The following DSC3 variants were observed in gnomAD, a reference collection of about 807,000 sequenced individuals.
The protein encoded by DSC3 is desmocollin 3, also known as desmocollin-3.
In DSC3, 97 loss-of-function variants were observed where a neutral mutation model predicts 89.5. The observed-to-expected ratio is 1.08, with a 90% CI of 0.92 to 1.28. DSC3 has a LOEUF of 1.28. DSC3 is among the 50% of genes most tolerant of loss of function. DSC3 has a pLI of 0.00. For synonymous variants in DSC3, 436 were observed against 384.1 expected, an observed-to-expected ratio of 1.14 and a Z score of -1.58; for missense variants, 1,199 against 1,085.3, an observed-to-expected ratio of 1.10 and a Z score of -1.47.
chr18:31,034,861 C>T (rs142847351), intron 1 of DSC3, among the ~76,000 whole-genome samples: 1 of 152,090 alleles, frequency 6.6e-6, no homozygotes, highest in South Asian at 2.1e-4. Flanking sequence ...TGAAAAACTT[C>T]TAAAATTAGA....
chr18:31,020,346 A>T (rs941906715), intron 7 of DSC3, among the ~76,000 whole-genome samples: 30 of 152,194 alleles, frequency 2.0e-4, no homozygotes, highest in African/African-American at 7.2e-4. Flanking sequence ...GACACTAAAA[A>T]GGAAAGATCA....
At chr18:31,016,426 G>T (rs1307309411) in intron 9 of DSC3, among the ~76,000 whole-genome samples, 1 of 152,210 alleles carries the variant, frequency 6.6e-6, no homozygotes, top group African/African-American at 2.4e-5. Flanking sequence ...GGGGAGAAGG[G>T]TGTCCAGGAG....
Position 30,994,263 on chromosome 18 carries a change from C to A in DSC3, c.2603G>T (p.Ser868Ile). The A allele has an allele frequency of 6.2e-7, 1 of 1,614,140 alleles. No individual in the cohort carries two copies. The highest frequency in any genetic ancestry group is 8.5e-7 in the Non-Finnish European group (1 of 1,180,010). Residue 868 changes from serine to isoleucine, a missense_variant, in exon 16 of 16, where the codon AGT becomes ATT. Ser to Ile is a moderately radical substitution (Grantham distance 142). Transcript: ENST00000360428. ...AAGGCCATCTTCTTCCTGCTTTTCA[C>A]TGCAGCAGCCCACAGAACCAGCTGG... ...GSPAGSVGCC[S>I]EKQEEDGLDF...
In DSC3 at chr18:31,032,198, CAA is replaced by C. The variant is rs1985812477; in HGVS notation, c.146_147del (p.Ile49ArgfsTer4). 1 of 1,611,354 alleles carries C rather than the reference CAA, an allele frequency of 6.2e-7. No individual in the cohort carries two copies. The highest frequency in any genetic ancestry group is 1.3e-5 in the African/African-American group (1 of 74,854). On this transcript the variant is annotated frameshift_variant, in exon 2 of 16. Coordinates refer to ENST00000360428, the MANE Select transcript of DSC3 (RefSeq NM_001941.5). LOFTEE classifies it high-confidence loss of function. ...VPSKLEADKIIGRVNLEECFR... is the reference protein window; with the variant it reads ...VPSKLEADKIXGRVNLEECFR... ...GACTTTTAAAATTTCTCACCTCTGC[CAA>C]TTATTTTGTCTGCCTCTAGTTTAGA...
chr18:31,007,237 CTG>C (rs992624885), intron 11 of DSC3, 106 bp from the exon 12 acceptor site: 2 of 752,942 alleles, frequency 2.7e-6, no homozygotes, highest in African/African-American at 3.6e-5. Context: ...TTTAAATAAA[CTG>C]ATTATTAAAG....
rs769903222 is a variant in DSC3, at chr18:31,018,682, G to A, written c.1061C>T (p.Thr354Ile). The A allele has an allele frequency of 5.0e-6, 8 of 1,613,320 alleles. No homozygotes were observed. The highest frequency in any genetic ancestry group is 6.8e-6 in the Non-Finnish European group (8 of 1,179,878). ...TVTDSNDNAP[T>I]FRQNAYEAFV... is the part of the protein sequence containing the mutation. ...TATACTTACAGCATTTTGTCTGAAA[G>A]TGGGTGCATTATCATTTGAATCTGT... Residue 354 changes from threonine to isoleucine, a missense_variant, in exon 8 of 16, where the codon ACT becomes ATT. Thr to Ile is a moderately conservative substitution (Grantham distance 89). Transcript: ENST00000360428.
At chr18:31,007,963 C>T (rs1055304289) in intron 11 of DSC3, 53 bp downstream of exon 11, 2 of 1,469,808 alleles carry the variant, frequency 1.4e-6, no homozygotes, top group South Asian at 2.3e-5. Flanking sequence ...AGAATAATTA[C>T]ATTTTATTCT....
At position 31,032,546 on chromosome 18, in the gene DSC3, CTGTGTGTATG is replaced by C. The variant is rs1188257928; in HGVS notation, c.70-280_70-271del. On this transcript the variant is annotated intron_variant, in intron 1 of 15. Transcript: ENST00000360428. ...GATGTCTGCTCTGCTCTAACTGCTTCTGTGTGTATGTGTGTGTGTGTGTGTGTGTGTGTGT... is the reference window on the plus strand; with the variant it reads ...GATGTCTGCTCTGCTCTAACTGCTTCTGTGTGTGTGTGTGTGTGTGTGTGT... Among the ~76,000 whole-genome samples, 715 of 133,822 alleles carry C rather than the reference CTGTGTGTATG, an allele frequency of 5.3e-3. 6 individuals are homozygous for C. The highest frequency in any genetic ancestry group is 0.019 in the African/African-American group (652 of 33,478). The allele number at this position is 133,822 out of a possible 152,430, so 87.8% of individuals were successfully genotyped here. A position where few individuals can be genotyped will look rare whatever the true frequency, so the allele number is the denominator to read the frequency against.
At chr18:31,007,985 A>C (rs1468840684) in intron 11 of DSC3, 31 bp downstream of exon 11, 2 of 1,559,066 alleles carry the variant, frequency 1.3e-6, no homozygotes, top group Non-Finnish European at 8.8e-7. Context: ...TAATTCCTTT[A>C]TAGAATACCA....
intron 7 of DSC3, among the ~76,000 whole-genome samples, chr18:31,020,280 G>A (rs276917): frequency 0.46 from 70,191 of 151,806 alleles, 16,838 homozygotes; most frequent in East Asian, 0.88. Context: ...GAAGAGCCTC[G>A]GATGTAAGGA....
intron 9 of DSC3, among the ~76,000 whole-genome samples, chr18:31,011,456 A>G (rs1985053823): frequency 6.6e-6 from 1 of 152,070 alleles, no homozygotes; most frequent in Non-Finnish European, 1.5e-5. Context: ...TCTTTGAGGT[A>G]TAAAGGAATG....
Position 31,008,491 on chromosome 18 carries a change from A to G in DSC3, c.1298T>C (p.Leu433Pro), listed in dbSNP as rs746972841. The G allele has an allele frequency of 9.9e-6, 16 of 1,614,168 alleles. 1 individual carries two copies. The South Asian group carries it at 1.6e-4, about 17-fold the overall frequency. Reference sequence around the variant, plus strand: ...CGCTTCATTGTTTACTCCAATTTCCAGGTTCACTTGACGGTTTTCTTCATA... The same window carrying G: ...CGCTTCATTGTTTACTCCAATTTCCGGGTTCACTTGACGGTTTTCTTCATA... ...LNYEENRQVNLEIGVNNEAPF... is the reference protein window; with the variant it reads ...LNYEENRQVNPEIGVNNEAPF... The change falls in exon 10 of 16, where the codon CTG becomes CCG. Residue 433 changes from leucine to proline, a missense_variant. Physicochemically the swap from Leu to Pro is moderately conservative, Grantham distance 98. Coordinates refer to ENST00000360428, the MANE Select transcript of DSC3 (RefSeq NM_001941.5).
Position 31,007,172 on chromosome 18 carries a change from C to A in DSC3, c.1664-41G>T, listed in dbSNP as rs765182772. The A allele has an allele frequency of 4.7e-6, 7 of 1,479,734 alleles. No individual in the cohort carries two copies. The Admixed American group carries it at 8.5e-5, about 18-fold the overall frequency. 91.7% of individuals were successfully genotyped at this position (1,479,734 alleles called of 1,614,324 possible). On this transcript the variant is annotated intron_variant, in intron 11 of 15. Transcript: ENST00000360428. ...TAAGGTTTAGTGTTATTTTAAAATT[C>A]TTTCATAGTTTCTTAAAGAATAAAA... is the stretch of plus-strand genomic sequence containing the variant.
intron 9 of DSC3, 112 bp downstream of exon 9, chr18:31,017,959 T>C: frequency 1.1e-6 from 1 of 887,476 alleles, no homozygotes; most frequent in Non-Finnish European, 1.7e-6. Context: ...AAATAGATTT[T>C]AAATTTTCTT....
At position 31,018,084 on chromosome 18, in the gene DSC3, A is replaced by G; in HGVS notation, c.1250T>C (p.Leu417Pro). 6.2e-7 allele frequency: 1 copy of G among 1,612,402 alleles called. No homozygotes were observed. Among genetic ancestry groups the G allele is most frequent in the Non-Finnish European group, 8.5e-7 (1 of 1,179,140 alleles). The change falls in exon 9 of 16, where the codon CTT becomes CCT. Residue 417 changes from leucine to proline, a missense_variant. Coordinates refer to ENST00000360428, the MANE Select transcript of DSC3 (RefSeq NM_001941.5). ...ACATTACTGTACCTTTACAACAGAAAGAACACCTTCATTAGTTTCTTTGTC... is the reference window on the plus strand; with the variant it reads ...ACATTACTGTACCTTTACAACAGAAGGAACACCTTCATTAGTTTCTTTGTC... ...STDKETNEGV[L>P]SVVKPLNYEE...
chr18:31,029,246 G>C (rs186395547), intron 4 of DSC3, among the ~76,000 whole-genome samples: 23 of 152,216 alleles, frequency 1.5e-4, no homozygotes, highest in Admixed American at 1.2e-3. Context: ...ACTTAGAGCA[G>C]TACCTCCCGC....
At chr18:31,007,857 C>T (rs976715123) in intron 11 of DSC3, among the ~76,000 whole-genome samples, 159 bp downstream of exon 11, 1 of 152,148 alleles carries the variant, frequency 6.6e-6, no homozygotes, top group African/African-American at 2.4e-5. Context: ...TGTCACCAAA[C>T]AGTTTCACCT....
At chr18:31,038,789 A>T (rs1986048307) in intron 1 of DSC3, among the ~76,000 whole-genome samples, 1 of 152,116 alleles carries the variant, frequency 6.6e-6, no homozygotes, top group Admixed American at 6.5e-5. Flanking sequence ...GAACATTACT[A>T]ATATTTTCAA....
At position 31,036,727 on chromosome 18, in the gene DSC3, A is replaced by C. The variant is rs79031287; in HGVS notation, c.70-4451T>G. Among the ~76,000 whole-genome samples, 1,311 of 151,626 alleles carry C rather than the reference A, an allele frequency of 8.6e-3. 26 individuals carry two copies. Among genetic ancestry groups the C allele is most frequent in the African/African-American group, 0.03 (1,228 of 41,314 alleles). On this transcript the variant is annotated intron_variant, in intron 1 of 15. Coordinates refer to ENST00000360428, the MANE Select transcript of DSC3 (RefSeq NM_001941.5). ...GGATTTGACATTTAGGGCTCTTGAG[A>C]CTTTCCATCCATGAACATGATTCAT...
Sources: gnomAD v4.1 joint callset for allele counts (sites outside exome capture counted in the v4.1 genomes callset) on GRCh38, gnomAD v4.1.1 for gene constraint, MANE v1.5 for transcripts, NCBI Gene and HGNC (gene_info 2026-07-23, HGNC 2026-07-21) for gene names.